Variants in IL1RAPL2 observed in about 807,000 individuals in gnomAD.
IL1RAPL2 encodes the protein interleukin 1 receptor accessory protein like 2.
IL1RAPL2 carries 3 observed loss-of-function variants against 44.1 expected under a neutral mutation model. The observed-to-expected ratio is 0.07, with a 90% CI of 0.03 to 0.18. IL1RAPL2 has a LOEUF of 0.18. IL1RAPL2 is among the 10% of genes least tolerant of loss of function. The probability of loss-of-function intolerance (pLI) is 1.00; values close to 1 mark genes in which losing one functional copy is unlikely to be tolerated. For missense variants in IL1RAPL2, 391 were observed against 496.4 expected, an observed-to-expected ratio of 0.79 and a Z score of 2.02; for synonymous variants, 181 against 178.8, an observed-to-expected ratio of 1.01 and a Z score of -0.10.
intron 5 of IL1RAPL2, among the ~76,000 whole-genome samples, chrX:105,450,275 A>C (rs1236803033): frequency 1.8e-5 from 2 of 111,220 alleles, no homozygotes; most frequent in African/African-American, 3.3e-5. Flanking sequence ...GCAAATCGAG[A>C]TTACCTTTTC....
chrX:104,876,173 C>G (rs1193921576), intron 2 of IL1RAPL2, among the ~76,000 whole-genome samples: 3 of 111,372 alleles, frequency 2.7e-5, no homozygotes, highest in Non-Finnish European at 5.7e-5. Flanking sequence ...TTCTTAGACC[C>G]TGAGAAGTTG....
rs927287144 is a variant in IL1RAPL2, at chrX:104,783,845, A to G, written c.82+124850A>G. 6.4e-5 allele frequency among the ~76,000 whole-genome samples: 7 copies of G among 109,276 alleles called. No homozygotes were observed. The Admixed American group carries it at 7.1e-4, about 11-fold the overall frequency. 94.9% of individuals were successfully genotyped at this position (109,276 alleles called of 115,157 possible). ...AAACATGCTACAACCAGCAAATTTT[A>G]TCCTCTTGCATTTAATGGGAACCTT... is the stretch of plus-strand genomic sequence containing the variant. On this transcript the variant is annotated intron_variant, in intron 2 of 10. Coordinates refer to ENST00000372582, the MANE Select transcript of IL1RAPL2 (RefSeq NM_017416.2).
At chrX:105,581,272 C>T (rs2037087562) in intron 6 of IL1RAPL2, among the ~76,000 whole-genome samples, 1 of 111,414 alleles carries the variant, frequency 9.0e-6, no homozygotes, top group Non-Finnish European at 1.9e-5. Context: ...TTATAAAAAT[C>T]ACAAGTGTTC....
chrX:105,339,754 T>C (rs968986214), intron 5 of IL1RAPL2, among the ~76,000 whole-genome samples: 2 of 111,297 alleles, frequency 1.8e-5, no homozygotes, highest in African/African-American at 6.5e-5. Flanking sequence ...TCAGATGTAA[T>C]CAGGGTAGAC....
chrX:104,773,150 C>T (rs1054919529), intron 2 of IL1RAPL2, among the ~76,000 whole-genome samples: 1 of 111,538 alleles, frequency 9.0e-6, no homozygotes, highest in African/African-American at 3.3e-5. Context: ...CTCAAGTAGT[C>T]CTTCTGCCTC....
rs1437829903 is a variant in IL1RAPL2 at position 105,755,317 on chromosome X, A to G, written c.1333A>G (p.Ile445Val). The stretch of plus-strand genomic sequence containing the variant: ...AAAACACTATGGATATAAACTCTTC[A>G]TCCCAGAAAGAGACCTGATTCCAAG... Reference protein sequence around the residue: ...LEKHYGYKLFIPERDLIPSGT... With the variant: ...LEKHYGYKLFVPERDLIPSGT... Residue 445 changes from isoleucine (I) to valine (V), a missense_variant, in exon 10 of 11, where the codon ATC becomes GTC. Around this residue, in one of 2 missense-constraint regions of IL1RAPL2, gnomAD observed 232 missense variants for 244.8 expected, o/e 0.95. Transcript: ENST00000372582. 1 of 1,202,880 alleles carries G rather than the reference A, an allele frequency of 8.3e-7. No homozygotes were observed. Among genetic ancestry groups the G allele is most frequent in the Admixed American group, 2.2e-5 (1 of 45,225 alleles).
chrX:105,202,151 T>C (rs1202473683), intron 3 of IL1RAPL2, among the ~76,000 whole-genome samples: 10 of 112,321 alleles, frequency 8.9e-5, no homozygotes, highest in Non-Finnish European at 1.5e-4. Flanking sequence ...GTACATTAAC[T>C]ATGTAATTTC....
Position 105,670,146 on chromosome X carries a change from T to TATATATATATATATATATATATATA in IL1RAPL2, c.773-47219_773-47218insATATATATATATATATATATATAAT, listed in dbSNP as rs1301114173. 1.2e-3 allele frequency among the ~76,000 whole-genome samples: 57 copies of TATATATATATATATATATATATATA among 46,330 alleles called. 11 individuals carry two copies. Among genetic ancestry groups the TATATATATATATATATATATATATA allele is most frequent in the Non-Finnish European group, 1.8e-3 (40 of 22,282 alleles). The allele number at this position is 46,330 out of a possible 115,157, so 40.2% of individuals were successfully genotyped here. On this transcript the variant is annotated intron_variant, in intron 6 of 10. Coordinates refer to ENST00000372582, the MANE Select transcript of IL1RAPL2 (RefSeq NM_017416.2). ...ATATATATATATATATATATATATA[T>TATATATATATATATATATATATATA]ATCTCCACCAGACCACACAGTCTTG...
chrX:104,570,664 T>C (rs1224398810), intron 1 of IL1RAPL2, among the ~76,000 whole-genome samples: 1 of 112,418 alleles, frequency 8.9e-6, no homozygotes, highest in Non-Finnish European at 1.9e-5. Flanking sequence ...GAGTCCACTG[T>C]GGGGCAGTTT....
intron 5 of IL1RAPL2, among the ~76,000 whole-genome samples, chrX:105,319,416 G>T (rs2034879923): frequency 9.0e-6 from 1 of 111,701 alleles, no homozygotes; most frequent in African/African-American, 3.3e-5. Flanking sequence ...ATTAGGCAGT[G>T]GGTCTAGGAA....
At chrX:104,662,525 A>G (rs1930421127) in intron 2 of IL1RAPL2, among the ~76,000 whole-genome samples, 1 of 111,464 alleles carries the variant, frequency 9.0e-6, no homozygotes, top group Non-Finnish European at 1.9e-5. Context: ...TCTTTATGTC[A>G]GGAAATTGGC....
intron 2 of IL1RAPL2, among the ~76,000 whole-genome samples, chrX:104,701,153 C>T (rs1931266779): frequency 8.9e-6 from 1 of 111,802 alleles, no homozygotes; most frequent in Non-Finnish European, 1.9e-5. Flanking sequence ...CCCACAGCAG[C>T]AATTTTCACC....
intron 2 of IL1RAPL2, among the ~76,000 whole-genome samples, chrX:104,861,169 T>C (rs1273697518): frequency 8.9e-6 from 1 of 112,004 alleles, no homozygotes; most frequent in Non-Finnish European, 1.9e-5. Flanking sequence ...CTGGAAAAGG[T>C]TCCAAAAATG....
chrX:105,205,048 G>C (rs1556150367), intron 3 of IL1RAPL2, among the ~76,000 whole-genome samples: 1 of 111,230 alleles, frequency 9.0e-6, no homozygotes, highest in Non-Finnish European at 1.9e-5. Flanking sequence ...GCAATCACAA[G>C]ACTACACTGG....
chrX:105,246,439 G>A (rs1250656090), intron 4 of IL1RAPL2, among the ~76,000 whole-genome samples: 3 of 111,788 alleles, frequency 2.7e-5, no homozygotes, highest in African/African-American at 9.7e-5. Flanking sequence ...TGCAGCTGAG[G>A]AAATGGGAAA....
At chrX:105,527,181 C>A (rs1327666417) in intron 6 of IL1RAPL2, among the ~76,000 whole-genome samples, 2 of 110,975 alleles carry the variant, frequency 1.8e-5, no homozygotes, top group East Asian at 2.8e-4. Flanking sequence ...AGACTAGTTT[C>A]TAGAGTGAGT....
At chrX:104,608,782 A>G (rs1027897057) in intron 1 of IL1RAPL2, among the ~76,000 whole-genome samples, 1 of 105,913 alleles carries the variant, frequency 9.4e-6, no homozygotes, top group East Asian at 3.0e-4. Flanking sequence ...CAGCACACTG[A>G]TGGGTCTTGA....
intron 2 of IL1RAPL2, among the ~76,000 whole-genome samples, chrX:105,086,586 T>C (rs760151863): frequency 2.3e-4 from 26 of 110,699 alleles, no homozygotes; most frequent in African/African-American, 7.5e-4. Context: ...AATAATCATG[T>C]CTATTTCAAA....
At chrX:104,718,291 G>A (rs1016537962) in intron 2 of IL1RAPL2, among the ~76,000 whole-genome samples, 14 of 110,954 alleles carry the variant, frequency 1.3e-4, no homozygotes, top group Admixed American at 2.9e-4. Flanking sequence ...TTTAATGACC[G>A]CCATTCTAAC....
Sources: gnomAD v4.1 joint callset for allele counts (sites outside exome capture counted in the v4.1 genomes callset) on GRCh38, gnomAD v4.1.1 for gene constraint, gnomAD v4.1.1 regional missense constraint, MANE v1.5 for transcripts, NCBI Gene and HGNC (gene_info 2026-07-23, HGNC 2026-07-21) for gene names.